The following WWOX variants were observed in gnomAD, a reference collection of about 807,000 sequenced individuals.
WWOX encodes the protein WW domain containing oxidoreductase, also known as WW domain-containing oxidoreductase.
In WWOX, 69 loss-of-function variants were observed where a neutral mutation model predicts 46.2. That is an observed-to-expected ratio of 1.49 (90% CI 1.23 to 1.82). The LOEUF is 1.82. WWOX is among the 40% of genes most tolerant of loss of function. The pLI is 0.00. For missense variants in WWOX, 919 were observed against 542.6 expected (o/e 1.69, Z -6.89); for synonymous variants, 359 against 202.6 (o/e 1.77, Z -6.56).
At chr16:79,158,026 C>G (rs1489258014) in intron 8 of WWOX, among the ~76,000 whole-genome samples, 2 of 152,024 alleles carry the variant, frequency 1.3e-5, no homozygotes, top group Non-Finnish European at 2.9e-5. Context: ...AAGGGGTGCC[C>G]CCAAGTGAGT....
chr16:78,326,706 AGATTGCTGTATTCTTGCCTGC>A (rs2080631554), intron 5 of WWOX, among the ~76,000 whole-genome samples: 3 of 151,982 alleles, frequency 2.0e-5, no homozygotes, highest in Admixed American at 1.3e-4. Flanking sequence ...TAAAAGCAAC[AGATTGCTGTATTCTTGCCTGC>A]CACTGACATG....
At chr16:79,125,644 C>T (rs539417749) in intron 8 of WWOX, among the ~76,000 whole-genome samples, 13 of 152,076 alleles carry the variant, frequency 8.5e-5, no homozygotes, top group Non-Finnish European at 1.8e-4. Context: ...AAGTTCTGGG[C>T]CATAACTCTA....
At chr16:79,030,998 G>A (rs979894911) in intron 8 of WWOX, among the ~76,000 whole-genome samples, 1 of 151,766 alleles carries the variant, frequency 6.6e-6, no homozygotes, top group Admixed American at 6.6e-5. Flanking sequence ...AGGCTGTGAT[G>A]GGAGAATCAC....
At chr16:78,542,657 CTG>C (rs1409008453) in intron 8 of WWOX, among the ~76,000 whole-genome samples, 1 of 152,202 alleles carries the variant, frequency 6.6e-6, no homozygotes, top group Non-Finnish European at 1.5e-5. Context: ...TTGTGCTCAA[CTG>C]TGATTTTATA....
At chr16:78,594,017 C>T (rs535923508) in intron 8 of WWOX, among the ~76,000 whole-genome samples, 3 of 152,262 alleles carry the variant, frequency 2.0e-5, no homozygotes, top group African/African-American at 7.2e-5. Context: ...AGTTTCGTCT[C>T]CTGTCAATTG....
chr16:78,314,701 GTTTT>G (rs920575863), intron 5 of WWOX, among the ~76,000 whole-genome samples: 2 of 61,312 alleles, frequency 3.3e-5, no homozygotes, highest in Non-Finnish European at 2.9e-5. Flanking sequence ...TTTTTTTTTT[GTTTT>G]TTTTTTTTTT....
chr16:78,143,771 T>TTTTC (rs35648517), intron 4 of WWOX, among the ~76,000 whole-genome samples: 1 of 148,994 alleles, frequency 6.7e-6, no homozygotes. Flanking sequence ...TTTTTTTTTT[T>TTTTC]GGTGGTGGTT....
intron 5 of WWOX, among the ~76,000 whole-genome samples, chr16:78,253,120 T>A (rs2038029974): frequency 6.6e-6 from 1 of 152,196 alleles, no homozygotes; most frequent in Non-Finnish European, 1.5e-5. Flanking sequence ...ATCTACTTCC[T>A]TGTGTCTTTT....
At chr16:78,313,154 G>A (rs1000358814) in intron 5 of WWOX, among the ~76,000 whole-genome samples, 5 of 152,286 alleles carry the variant, frequency 3.3e-5, no homozygotes, top group Admixed American at 3.3e-4. Context: ...GGGCAGAAAG[G>A]GCATGTGGTA....
chr16:78,936,285 C>T (rs757711122), intron 8 of WWOX, among the ~76,000 whole-genome samples: 22 of 152,132 alleles, frequency 1.4e-4, no homozygotes, highest in African/African-American at 5.1e-4. Flanking sequence ...TTGGACAGAG[C>T]TTAAGATGGC....
chr16:78,391,956 A>G (rs188903211), intron 6 of WWOX, among the ~76,000 whole-genome samples: 4 of 152,046 alleles, frequency 2.6e-5, no homozygotes, highest in Non-Finnish European at 5.9e-5. Context: ...TCAGGATTCA[A>G]ATAAGGTCGA....
intron 8 of WWOX, among the ~76,000 whole-genome samples, chr16:78,884,728 C>G (rs1029364979): frequency 2.6e-5 from 4 of 152,154 alleles, no homozygotes; most frequent in African/African-American, 9.7e-5. Flanking sequence ...GTTGCTTGTT[C>G]AAGCTACTGG....
At chr16:79,011,779 C>T (rs1471158798) in intron 8 of WWOX, among the ~76,000 whole-genome samples, 63 of 152,030 alleles carry the variant, frequency 4.1e-4, no homozygotes. Flanking sequence ...AGGCATGAGC[C>T]ACCATGCCCG....
intron 8 of WWOX, among the ~76,000 whole-genome samples, chr16:78,797,599 G>A (rs1404570642): frequency 1.3e-5 from 2 of 152,092 alleles, no homozygotes; most frequent in Non-Finnish European, 2.9e-5. Flanking sequence ...ATATTCCTGA[G>A]CTTCCATGTG....
At chr16:78,882,251 A>C (rs1480571416) in intron 8 of WWOX, among the ~76,000 whole-genome samples, 1 of 152,224 alleles carries the variant, frequency 6.6e-6, no homozygotes, top group Non-Finnish European at 1.5e-5. Flanking sequence ...ATAGTTTTCA[A>C]AGTCTTTGAC....
intron 8 of WWOX, among the ~76,000 whole-genome samples, chr16:78,575,019 A>T (rs1567655013): frequency 1.6e-4 from 2 of 12,784 alleles, no homozygotes; most frequent in African/African-American, 5.5e-4. Flanking sequence ...ATATATATAT[A>T]TAAATATATA....
chr16:78,777,085 A>T (rs763534207), intron 8 of WWOX, among the ~76,000 whole-genome samples: 2 of 152,180 alleles, frequency 1.3e-5, no homozygotes, highest in Non-Finnish European at 2.9e-5. Context: ...ATTGGGAATG[A>T]AGTTTAGGTC....
intron 8 of WWOX, among the ~76,000 whole-genome samples, chr16:78,810,417 C>T (rs760593365): frequency 5.9e-5 from 9 of 152,176 alleles, no homozygotes; most frequent in East Asian, 1.9e-4. Context: ...AGCGTATTGG[C>T]AGTTCATATA....
chr16:78,966,791 C>G (rs1345991143), intron 8 of WWOX, among the ~76,000 whole-genome samples: 1 of 152,060 alleles, frequency 6.6e-6, no homozygotes, highest in Non-Finnish European at 1.5e-5. Context: ...TCACATGTGC[C>G]AACTGTTCTA....
Sources: allele counts gnomAD v4.1 joint callset (sites outside exome capture counted in the v4.1 genomes callset), GRCh38; gene constraint gnomAD v4.1.1; transcripts MANE v1.5; gene names NCBI Gene and HGNC (gene_info 2026-07-23, HGNC 2026-07-21).